RAD51B: variants seen among roughly 807,000 people sequenced by gnomAD.
RAD51B encodes DNA repair protein RAD51 homolog 2.
Under a neutral mutation model 42.2 loss-of-function variants are expected in RAD51B, and 38 were observed. The ratio of observed to expected loss-of-function variants is 0.90; its 90% CI spans 0.70 to 1.18. The LOEUF (loss-of-function observed/expected upper bound fraction) is 1.18, where lower values mean the gene tolerates loss of function less well. RAD51B is among the 50% of genes most tolerant of loss of function. The pLI is 0.00. For synonymous variants in RAD51B, 154 were observed against 145.2 expected (o/e 1.06, Z -0.43); for missense variants, 373 against 400.7 (o/e 0.93, Z 0.59).
rs1326199809 is a variant in RAD51B at position 68,349,656 on chromosome 14, A to G, written c.853+57676A>G. On this transcript the variant is annotated intron_variant, in intron 8 of 10. Transcript: ENST00000471583. The stretch of plus-strand genomic sequence containing the variant: ...GCTGGGATTACAGGCATGAGCCACC[A>G]TGCCTGGCTTCCCTACTTTTTTATA... 3.9e-5 allele frequency among the ~76,000 whole-genome samples: 6 copies of G among 152,240 alleles called. No homozygotes were observed. The East Asian group carries it at 1.2e-3, about 29-fold the overall frequency.
intron 7 of RAD51B, among the ~76,000 whole-genome samples, chr14:68,097,355 A>G (rs892506075): frequency 1.1e-4 from 16 of 152,228 alleles, no homozygotes; most frequent in African/African-American, 3.9e-4. Flanking sequence ...CATGCCATGT[A>G]GAAGTTTTTG....
intron 10 of RAD51B, among the ~76,000 whole-genome samples, chr14:68,642,102 G>T (rs1892473983): frequency 6.6e-6 from 1 of 152,098 alleles, no homozygotes. Flanking sequence ...TGTTATTAGG[G>T]TAATCCTGGC....
intron 7 of RAD51B, among the ~76,000 whole-genome samples, chr14:67,983,125 A>T (rs1215606951): frequency 6.6e-6 from 1 of 152,204 alleles, no homozygotes; most frequent in Admixed American, 6.5e-5. Context: ...ACTCATTTAC[A>T]GCATAATTTG....
At chr14:67,967,323 T>A (rs1214582607) in intron 7 of RAD51B, among the ~76,000 whole-genome samples, 1 of 152,086 alleles carries the variant, frequency 6.6e-6, no homozygotes, top group East Asian at 1.9e-4. Context: ...CCCCCTCAAA[T>A]CTCATGTCCT....
At chr14:68,674,529 T>A (rs909437521) in intron 11 of RAD51B, among the ~76,000 whole-genome samples, 1 of 152,076 alleles carries the variant, frequency 6.6e-6, no homozygotes, top group African/African-American at 2.4e-5. Flanking sequence ...ATATAACATA[T>A]AATGTTACCA....
intron 7 of RAD51B, among the ~76,000 whole-genome samples, chr14:68,114,861 A>G (rs1329940164): frequency 6.6e-6 from 1 of 152,166 alleles, no homozygotes; most frequent in East Asian, 1.9e-4. Context: ...AATTTTTAGT[A>G]TGAAACTAGG....
intron 3 of RAD51B, among the ~76,000 whole-genome samples, chr14:67,828,806 G>A (rs187383870): frequency 3.3e-5 from 5 of 152,034 alleles, no homozygotes; most frequent in Admixed American, 6.5e-5. Flanking sequence ...GTAGGTGTGC[G>A]GTCTTATTTC....
At chr14:68,311,296 A>T (rs1481991222) in intron 8 of RAD51B, among the ~76,000 whole-genome samples, 1 of 152,078 alleles carries the variant, frequency 6.6e-6, no homozygotes, top group Non-Finnish European at 1.5e-5. Context: ...ACATCAGGAG[A>T]CAATTCAGGA....
At chr14:68,487,145 A>G (rs145639708) in intron 10 of RAD51B, among the ~76,000 whole-genome samples, 1 of 152,210 alleles carries the variant, frequency 6.6e-6, no homozygotes, top group Admixed American at 6.5e-5. Context: ...GCATGGCTTA[A>G]AGATCAGAAA....
chr14:67,994,228 T>G (rs1302220026), intron 7 of RAD51B, among the ~76,000 whole-genome samples: 6 of 152,108 alleles, frequency 3.9e-5, no homozygotes, highest in Non-Finnish European at 7.4e-5. Flanking sequence ...CACTGTTTTT[T>G]TCAAGAAAAA....
chr14:68,644,340 T>G (rs1283507297), intron 10 of RAD51B, among the ~76,000 whole-genome samples: 5 of 152,216 alleles, frequency 3.3e-5, no homozygotes, highest in African/African-American at 1.2e-4. Context: ...ACTCTTGCCA[T>G]AAGTCCTGTT....
chr14:68,667,418 C>CTTAAAGGCAAAGTCTAGA (rs1893054145), intron 11 of RAD51B, among the ~76,000 whole-genome samples: 1 of 152,184 alleles, frequency 6.6e-6, no homozygotes, highest in Non-Finnish European at 1.5e-5. Context: ...TGCTTAAAGT[C>CTTAAAGGCAAAGTCTAGA]AGCTGGTTGT....
intron 10 of RAD51B, among the ~76,000 whole-genome samples, chr14:68,606,701 T>C (rs1411470228): frequency 6.6e-6 from 1 of 152,184 alleles, no homozygotes; most frequent in Non-Finnish European, 1.5e-5. Context: ...AGGAATCGCA[T>C]CTTAGACGAA....
intron 7 of RAD51B, among the ~76,000 whole-genome samples, chr14:67,937,597 G>C (rs896493030): frequency 6.6e-6 from 1 of 152,184 alleles, no homozygotes; most frequent in Admixed American, 6.5e-5. Context: ...GGCAGGTAGA[G>C]AAAATGAAGT....
At chr14:68,405,041 AC>A (rs1179511652) in intron 8 of RAD51B, among the ~76,000 whole-genome samples, 1 of 152,156 alleles carries the variant, frequency 6.6e-6, no homozygotes, top group African/African-American at 2.4e-5. Context: ...CTGGTTTCGA[AC>A]CCTGGCTGTG....
At chr14:68,349,300 G>A (rs1192362523) in intron 8 of RAD51B, among the ~76,000 whole-genome samples, 1 of 151,914 alleles carries the variant, frequency 6.6e-6, no homozygotes, top group Non-Finnish European at 1.5e-5. Flanking sequence ...AGCCTAAAAG[G>A]AACAAACTAG....
chr14:68,490,043 G>A (rs748364276), intron 10 of RAD51B, among the ~76,000 whole-genome samples: 15 of 152,132 alleles, frequency 9.9e-5, no homozygotes, highest in Non-Finnish European at 1.8e-4. Flanking sequence ...CGTAACTACC[G>A]CAGCCTCTAC....
intron 9 of RAD51B, among the ~76,000 whole-genome samples, chr14:68,456,896 T>G: frequency 5.7e-5 from 6 of 105,428 alleles, no homozygotes; most frequent in South Asian, 7.1e-4. Context: ...TTTTTTTTTT[T>G]TTTTTTTTTT....
At chr14:68,171,088 C>T (rs1038353555) in intron 7 of RAD51B, among the ~76,000 whole-genome samples, 8 of 152,154 alleles carry the variant, frequency 5.3e-5, no homozygotes, top group African/African-American at 1.2e-4. Context: ...TCTGTGTAAA[C>T]GGGTAGACAG....
Sources: allele counts gnomAD v4.1 joint callset (sites outside exome capture counted in the v4.1 genomes callset), GRCh38; gene constraint gnomAD v4.1.1; transcripts MANE v1.5; gene names NCBI Gene and HGNC (gene_info 2026-07-23, HGNC 2026-07-21).